The following SV2C variants were observed in gnomAD, a reference collection of about 807,000 sequenced individuals.
The protein encoded by SV2C is solute carrier family 22 member B3.
SV2C carries 49 observed loss-of-function variants against 79.7 expected under a neutral mutation model. The observed-to-expected ratio is 0.61, with a 90% CI of 0.49 to 0.78. The LOEUF is 0.78. SV2C is among the 30% of genes least tolerant of loss of function. The pLI is 0.00. For missense variants in SV2C, 833 were observed against 912.9 expected, an observed-to-expected ratio of 0.91 and a Z score of 1.13; for synonymous variants, 334 against 333.2, an observed-to-expected ratio of 1.00 and a Z score of -0.03.
At chr5:76,071,948 A>C in the SV2C span, among the ~76,000 whole-genome samples, 3 of 152,222 alleles carry the variant, frequency 2.0e-5, no homozygotes, top group Non-Finnish European at 4.4e-5. Context: ...GAATATTCAG[A>C]GTTGAGCTAT....
the SV2C span, among the ~76,000 whole-genome samples, chr5:76,002,668 C>A: frequency 0.78 from 118,848 of 152,040 alleles, 46,601 homozygotes; most frequent in Middle Eastern, 0.89. Flanking sequence ...CCTCTTTGTG[C>A]ATTCCAGTCT....
chr5:75,969,525 T>C, the SV2C span, among the ~76,000 whole-genome samples: 2 of 152,194 alleles, frequency 1.3e-5, no homozygotes, highest in East Asian at 1.9e-4. Flanking sequence ...ATTGCAATCC[T>C]AGTCTCTGAT....
chr5:76,275,622 C>T (rs1747003021), intron 4 of SV2C, among the ~76,000 whole-genome samples: 1 of 152,202 alleles, frequency 6.6e-6, no homozygotes, highest in Non-Finnish European at 1.5e-5. Flanking sequence ...GTGTCACATA[C>T]CTCTGCCTTG....
chr5:76,321,736 T>C (rs1748836036), intron 12 of SV2C, among the ~76,000 whole-genome samples: 1 of 141,818 alleles, frequency 7.1e-6, no homozygotes, highest in Admixed American at 7.3e-5. Context: ...AGCGAGACCC[T>C]ATCATCTCTG....
At chr5:76,303,913 GA>G (rs1366818900) in intron 12 of SV2C, among the ~76,000 whole-genome samples, 1 of 152,184 alleles carries the variant, frequency 6.6e-6, no homozygotes, top group Non-Finnish European at 1.5e-5. Context: ...GCGAAGGAGG[GA>G]GGAAGGAGTA....
chr5:76,013,469 T>G, the SV2C span, among the ~76,000 whole-genome samples: 5 of 152,204 alleles, frequency 3.3e-5, no homozygotes, highest in Non-Finnish European at 7.3e-5. Context: ...ATCCTGAGAC[T>G]TTGCTGAAGT....
the SV2C span, among the ~76,000 whole-genome samples, chr5:75,926,146 T>C: frequency 6.6e-6 from 1 of 152,190 alleles, no homozygotes; most frequent in Non-Finnish European, 1.5e-5. Flanking sequence ...CCGGGGTAGC[T>C]TGACACAGAT....
At chr5:76,242,397 C>G in intron 4 of SV2C, 1 of 713,860 alleles carries the variant, frequency 1.4e-6, no homozygotes, top group East Asian at 3.4e-5. Context: ...CTTCTTCACA[C>G]TGCTCCGGTC....
At chr5:75,888,171 A>T in the SV2C span, among the ~76,000 whole-genome samples, 1 of 152,074 alleles carries the variant, frequency 6.6e-6, no homozygotes, top group Non-Finnish European at 1.5e-5. Flanking sequence ...TTTAAACCTG[A>T]CAAAGGGGGC....
chr5:76,239,689 A>G (rs908287236), intron 4 of SV2C, among the ~76,000 whole-genome samples: 5 of 152,144 alleles, frequency 3.3e-5, no homozygotes, highest in African/African-American at 1.2e-4. Flanking sequence ...GAGTGTCCTC[A>G]CTATTAAAGG....
chr5:76,026,168 T>C, the SV2C span, among the ~76,000 whole-genome samples: 2 of 149,836 alleles, frequency 1.3e-5, no homozygotes, highest in African/African-American at 4.9e-5. Flanking sequence ...CAAAGAGATT[T>C]CTTCAAGTAG....
chr5:75,883,377 G>C, the SV2C span, among the ~76,000 whole-genome samples: 1 of 144,664 alleles, frequency 6.9e-6, no homozygotes, highest in African/African-American at 2.8e-5. Flanking sequence ...TGCTGCTATA[G>C]AGACACATGC....
At chr5:75,933,629 GC>G in the SV2C span, among the ~76,000 whole-genome samples, 4 of 152,210 alleles carry the variant, frequency 2.6e-5, no homozygotes, top group Non-Finnish European at 4.4e-5. Flanking sequence ...GTAGCCAGTT[GC>G]CCAGCTGGAA....
At chr5:75,883,863 A>C in the SV2C span, among the ~76,000 whole-genome samples, 15 of 151,900 alleles carry the variant, frequency 9.9e-5, no homozygotes, top group African/African-American at 3.6e-4. Flanking sequence ...AACAAAAAAA[A>C]AACATTTCTT....
chr5:75,934,298 C>CTTTTTTTTTTTTTTTT, the SV2C span, among the ~76,000 whole-genome samples: 1 of 87,586 alleles, frequency 1.1e-5, no homozygotes, highest in African/African-American at 6.6e-5. Context: ...TTTTTTCTTT[C>CTTTTTTTTTTTTTTTT]TTTCTTTTTT....
chr5:76,040,424 G>A, the SV2C span, among the ~76,000 whole-genome samples: 7 of 152,174 alleles, frequency 4.6e-5, no homozygotes, highest in South Asian at 2.1e-4. Context: ...AAAGGATATC[G>A]AATAATGCAA....
At chr5:75,932,812 C>G in the SV2C span, among the ~76,000 whole-genome samples, 1 of 152,186 alleles carries the variant, frequency 6.6e-6, no homozygotes, top group Non-Finnish European at 1.5e-5. Context: ...CTGTTTATGG[C>G]CAGTTTCTTT....
chr5:76,057,315 G>T, the SV2C span, among the ~76,000 whole-genome samples: 2 of 151,944 alleles, frequency 1.3e-5, no homozygotes, highest in East Asian at 3.9e-4. Flanking sequence ...TGCTATGTTG[G>T]TGTGCTGCAC....
the SV2C span, among the ~76,000 whole-genome samples, chr5:75,984,602 T>TAC: frequency 4.2e-5 from 6 of 141,228 alleles, no homozygotes; most frequent in Non-Finnish European, 9.5e-5. Context: ...TATCTACCTA[T>TAC]CTATCTATCT....
Sources: gnomAD v4.1 joint callset for allele counts (sites outside exome capture counted in the v4.1 genomes callset) on GRCh38, gnomAD v4.1.1 for gene constraint, MANE v1.5 for transcripts, NCBI Gene and HGNC (gene_info 2026-07-23, HGNC 2026-07-21) for gene names.